Variants in IL12RB2 observed in about 807,000 individuals in gnomAD.
The protein encoded by IL12RB2 is interleukin 12 receptor subunit beta 2, also known as interleukin-12 receptor subunit beta-2.
IL12RB2 carries 82 observed loss-of-function variants against 89.4 expected under a neutral mutation model. The ratio of observed to expected loss-of-function variants is 0.92; its 90% CI spans 0.77 to 1.10. The LOEUF is 1.10. Ranked by LOEUF, IL12RB2 falls within the 50% of genes least tolerant of loss-of-function variation. The pLI is 0.00. For synonymous variants in IL12RB2, 368 were observed against 370.1 expected (o/e 0.99, Z 0.07); for missense variants, 963 against 1,031.9 (o/e 0.93, Z 0.92).
intron 2 of IL12RB2, among the ~76,000 whole-genome samples, chr1:67,316,302 T>C (rs1655755027): frequency 6.6e-6 from 1 of 152,056 alleles, no homozygotes; most frequent in African/African-American, 2.4e-5. Flanking sequence ...CTTCCTGAAA[T>C]CTGAACACTT....
At chr1:67,310,913 C>T (rs540013665) in intron 1 of IL12RB2, among the ~76,000 whole-genome samples, 13 of 152,166 alleles carry the variant, frequency 8.5e-5, no homozygotes, top group African/African-American at 2.6e-4. Flanking sequence ...TTAGTACAGA[C>T]GGAGTTTCAC....
chr1:67,349,596 G>A (rs925792122), intron 9 of IL12RB2, among the ~76,000 whole-genome samples: 2 of 152,112 alleles, frequency 1.3e-5, no homozygotes, highest in Non-Finnish European at 2.9e-5. Flanking sequence ...ACACAAAAGG[G>A]CCCACAGCAA....
At chr1:67,323,863 G>C (rs1210905447) in intron 4 of IL12RB2, among the ~76,000 whole-genome samples, 3 of 152,112 alleles carry the variant, frequency 2.0e-5, no homozygotes, top group African/African-American at 7.2e-5. Flanking sequence ...CTGGGTACCA[G>C]GCATGGAGAC....
chr1:67,357,048 A>T (rs1661476476), intron 10 of IL12RB2, among the ~76,000 whole-genome samples: 2 of 152,170 alleles, frequency 1.3e-5, no homozygotes, highest in South Asian at 4.1e-4. Context: ...CAGATTGCTT[A>T]TTCACTCTTA....
intron 16 of IL12RB2, among the ~76,000 whole-genome samples, chr1:67,391,234 C>T (rs967077546): frequency 6.6e-6 from 1 of 152,022 alleles, no homozygotes. Context: ...CCATGTAAAG[C>T]ACATGGGTCA....
intron 9 of IL12RB2, among the ~76,000 whole-genome samples, chr1:67,342,446 T>C (rs1226334215): frequency 6.6e-6 from 1 of 152,166 alleles, no homozygotes; most frequent in Non-Finnish European, 1.5e-5. Flanking sequence ...AACAACTCCG[T>C]GCTGATTGGG....
chr1:67,330,277 A>ATTTT (rs1558307815), intron 7 of IL12RB2, among the ~76,000 whole-genome samples: 80,447 of 139,404 alleles, frequency 0.58, 23,239 homozygotes, highest in Non-Finnish European at 0.66. Context: ...TTTTTTTAAA[A>ATTTT]AAAAAAAAAG....
chr1:67,317,843 C>T (rs1380682112), intron 2 of IL12RB2, among the ~76,000 whole-genome samples: 1 of 152,130 alleles, frequency 6.6e-6, no homozygotes, highest in Non-Finnish European at 1.5e-5. Flanking sequence ...AATGTTCCTG[C>T]TCTTATGGGG....
chr1:67,373,920 G>T (rs1203418498), intron 13 of IL12RB2, among the ~76,000 whole-genome samples: 2 of 152,126 alleles, frequency 1.3e-5, no homozygotes, highest in African/African-American at 4.8e-5. Context: ...ACTTTAAGAG[G>T]TCCGCAGTGT....
chr1:67,359,183 A>T (rs1317937878), intron 10 of IL12RB2, among the ~76,000 whole-genome samples: 1 of 152,154 alleles, frequency 6.6e-6, no homozygotes, highest in Non-Finnish European at 1.5e-5. Flanking sequence ...ATTTATATAC[A>T]ACATGCACTC....
At chr1:67,382,131 C>G (rs1015812806) in intron 14 of IL12RB2, among the ~76,000 whole-genome samples, 1 of 152,226 alleles carries the variant, frequency 6.6e-6, no homozygotes, top group African/African-American at 2.4e-5. Flanking sequence ...CCTATAATCT[C>G]AGCACTTTGG....
intron 10 of IL12RB2, among the ~76,000 whole-genome samples, chr1:67,361,333 T>C (rs6695348): frequency 0.62 from 94,592 of 152,090 alleles, 33,060 homozygotes; most frequent in South Asian, 0.78. Flanking sequence ...TACTTGGATA[T>C]GGCAGGGATG....
At chr1:67,328,439 C>T in intron 6 of IL12RB2, 55 bp downstream of exon 6, 1 of 1,609,290 alleles carries the variant, frequency 6.2e-7, no homozygotes, top group Non-Finnish European at 8.5e-7. Flanking sequence ...TAAAATCACT[C>T]AAATCTTTTT....
In IL12RB2 at chr1:67,372,759, T is replaced by A. The variant is rs921834418; in HGVS notation, c.1693T>A (p.Ser565Thr). Residue 565 changes from serine to threonine, a missense_variant, in exon 13 of 17, where the codon TCC (serine) becomes ACC (threonine). Coordinates refer to ENST00000674203, the MANE Select transcript of IL12RB2 (RefSeq NM_001374259.2). Reference protein sequence around the residue: ...HYRIYWKERDSNSQPQLCEIP... With the variant: ...HYRIYWKERDTNSQPQLCEIP... ...TAGGATATACTGGAAGGAACGGGACTCCAACTCCCAGCCTCAGCTCTGTGG... is the reference window on the plus strand; with the variant it reads ...TAGGATATACTGGAAGGAACGGGACACCAACTCCCAGCCTCAGCTCTGTGG... 1 of 1,608,872 alleles carries A rather than the reference T, an allele frequency of 6.2e-7. No homozygotes were observed. The highest frequency in any genetic ancestry group is 8.5e-7 in the Non-Finnish European group (1 of 1,175,394).
intron 8 of IL12RB2, among the ~76,000 whole-genome samples, chr1:67,333,247 G>A (rs541849178): frequency 2.6e-5 from 4 of 151,950 alleles, no homozygotes; most frequent in South Asian, 4.2e-4. Context: ...CCCCTTACCC[G>A]CTGTTTCTGT....
chr1:67,379,907 A>G, intron 13 of IL12RB2, 79 bp from the exon 14 acceptor site: 4 of 1,095,390 alleles, frequency 3.7e-6, no homozygotes, highest in Non-Finnish European at 5.6e-6. Flanking sequence ...TGAAGCATTA[A>G]AGAGTAAGAA....
At chr1:67,316,882 C>T (rs1655843847) in intron 2 of IL12RB2, among the ~76,000 whole-genome samples, 1 of 152,186 alleles carries the variant, frequency 6.6e-6, no homozygotes, top group Non-Finnish European at 1.5e-5. Context: ...TACCTGAACT[C>T]ACCAGTTTGT....
intron 9 of IL12RB2, among the ~76,000 whole-genome samples, chr1:67,345,994 C>T (rs1313099934): frequency 1.3e-5 from 2 of 152,144 alleles, no homozygotes; most frequent in Admixed American, 6.5e-5. Context: ...CATTATGCCA[C>T]GGTCACCACC....
intron 10 of IL12RB2, among the ~76,000 whole-genome samples, chr1:67,356,747 A>G (rs17838057): frequency 2.6e-5 from 4 of 152,126 alleles, no homozygotes; most frequent in Admixed American, 2.0e-4. Flanking sequence ...CTCCCTATAA[A>G]AAAAGAAAAG....
Sources: allele counts gnomAD v4.1 joint callset (sites outside exome capture counted in the v4.1 genomes callset), GRCh38; gene constraint gnomAD v4.1.1; transcripts MANE v1.5; gene names NCBI Gene and HGNC (gene_info 2026-07-23, HGNC 2026-07-21).